GCNT1: variants seen among roughly 807,000 people sequenced by gnomAD.
The protein encoded by GCNT1 is glucosaminyl (N-acetyl) transferase 1.
A neutral mutation model predicts 26.2 loss-of-function variants in GCNT1; 16 were observed. That is an observed-to-expected ratio of 0.61 (90% confidence interval 0.41 to 0.93). The LOEUF (loss-of-function observed/expected upper bound fraction) is 0.93. Ranked by LOEUF, GCNT1 falls within the 40% of genes least tolerant of loss-of-function variation. The pLI, the probability that GCNT1 is intolerant of heterozygous loss-of-function variation, is 0.00. For missense variants in GCNT1, 477 were observed against 526.7 expected (o/e 0.91, Z 0.92); for synonymous variants, 183 against 190.8 (o/e 0.96, Z 0.34).
At position 76,506,023 on chromosome 9, in the gene GCNT1, TGGGGCTCAAAGTATC is replaced by T. The variant is rs1825229690; in HGVS notation, c.*2356_*2370del. 6.0e-6 allele frequency: 1 copy of T among 167,068 alleles called. No homozygotes were observed. 10.3% of individuals were successfully genotyped at this position (167,068 alleles called of 1,614,324 possible). A position where few individuals can be genotyped will look rare whatever the true frequency, so the allele number is the denominator to read the frequency against. ...CAGAATTTATATACGATCCATTCAT[TGGGGCTCAAAGTATC>T]TTTTAGACTTTTAAGGACAATTTAC... On this transcript the variant is annotated 3_prime_UTR_variant, in exon 4 of 4. Transcript: ENST00000376730.
At chr9:76,498,952 A>G (rs1214733613) in intron 2 of GCNT1, among the ~76,000 whole-genome samples, 1 of 151,690 alleles carries the variant, frequency 6.6e-6, no homozygotes, top group African/African-American at 2.4e-5. Flanking sequence ...GCTGCTTTCT[A>G]TTTTTTCATG....
intron 2 of GCNT1, among the ~76,000 whole-genome samples, chr9:76,464,059 A>C (rs548277107): frequency 2.0e-5 from 3 of 150,714 alleles, no homozygotes; most frequent in African/African-American, 7.3e-5. Flanking sequence ...TTTTTGTAAA[A>C]ATAATAATAA....
chr9:76,431,775 G>T (rs143402212), intron 1 of GCNT1, among the ~76,000 whole-genome samples: 2 of 152,150 alleles, frequency 1.3e-5, no homozygotes, highest in Admixed American at 6.6e-5. Context: ...CCAAGAGCCT[G>T]CCATTAATAC....
At chr9:76,454,168 G>A (rs1238003656) in intron 1 of GCNT1, among the ~76,000 whole-genome samples, 1 of 151,882 alleles carries the variant, frequency 6.6e-6, no homozygotes, top group East Asian at 1.9e-4. Flanking sequence ...ATCACCTGAG[G>A]TCAGGAGTTT....
upstream of GCNT1, among the ~76,000 whole-genome samples, chr9:76,415,569 A>C (rs936857640): frequency 6.6e-6 from 1 of 152,234 alleles, no homozygotes; most frequent in Non-Finnish European, 1.5e-5. Flanking sequence ...GGTAGAGGGA[A>C]GCCATTTCCC....
upstream of GCNT1, among the ~76,000 whole-genome samples, chr9:76,440,104 T>TA (rs762535970): frequency 2.5e-3 from 313 of 124,330 alleles, 2 homozygotes; most frequent in East Asian, 7.0e-3. Context: ...GTCGCAAAAA[T>TA]AAAAAAAAAA....
At chr9:76,412,870 T>G in the GCNT1 span, among the ~76,000 whole-genome samples, 1 of 152,218 alleles carries the variant, frequency 6.6e-6, no homozygotes, top group Non-Finnish European at 1.5e-5. Context: ...TGACCACTTC[T>G]CAGTCACAGC....
chr9:76,464,425 C>T (rs930589124), intron 2 of GCNT1, among the ~76,000 whole-genome samples: 1 of 152,132 alleles, frequency 6.6e-6, no homozygotes, highest in African/African-American at 2.4e-5. Context: ...CCATGTTGCC[C>T]AGGCTGGTCT....
At chr9:76,459,917 A>T (rs1823835121) in intron 1 of GCNT1, 143 bp from the exon 2 acceptor site, 3 of 152,166 alleles carry the variant, frequency 2.0e-5, no homozygotes, top group African/African-American at 7.2e-5. Flanking sequence ...AAAACAAGTG[A>T]TTCGTCTTAA....
At chr9:76,401,327 A>G in the GCNT1 span, among the ~76,000 whole-genome samples, 73 of 152,318 alleles carry the variant, frequency 4.8e-4, no homozygotes, top group Non-Finnish European at 6.6e-4. Context: ...ATTCACAGGC[A>G]AGCTCATAGC....
At chr9:76,460,227 C>T (rs1010013366) in intron 2 of GCNT1, 50 bp downstream of exon 2, 1 of 152,274 alleles carries the variant, frequency 6.6e-6, no homozygotes, top group South Asian at 2.1e-4. Flanking sequence ...AAACGTTGCC[C>T]TGTACACCCT....
chr9:76,420,944 GAAAAAA>G (rs35205492), intron 1 of GCNT1, among the ~76,000 whole-genome samples: 3 of 123,134 alleles, frequency 2.4e-5, no homozygotes, highest in Non-Finnish European at 4.9e-5. Context: ...ATCTCAAAAG[GAAAAAA>G]AAAAAAAAAA....
At chr9:76,424,303 G>A (rs145435255) in intron 1 of GCNT1, among the ~76,000 whole-genome samples, 2 of 152,236 alleles carry the variant, frequency 1.3e-5, no homozygotes, top group East Asian at 1.9e-4. Context: ...AGCCTGCCTC[G>A]GGTGCACATT....
intron 2 of GCNT1, among the ~76,000 whole-genome samples, chr9:76,466,215 G>A (rs1331162781): frequency 6.6e-6 from 1 of 152,318 alleles, no homozygotes; most frequent in East Asian, 1.9e-4. Context: ...ATTCATGCAG[G>A]GCAGGGAGGA....
chr9:76,428,681 G>A (rs1053693485), intron 1 of GCNT1, among the ~76,000 whole-genome samples: 20 of 150,094 alleles, frequency 1.3e-4, no homozygotes, highest in Admixed American at 8.7e-4. Flanking sequence ...TTTGAATAAC[G>A]TAGCTGTTGC....
At chr9:76,428,080 T>C (rs139665993) in intron 1 of GCNT1, among the ~76,000 whole-genome samples, 1,521 of 151,804 alleles carry the variant, frequency 0.01, 24 homozygotes, top group African/African-American at 0.034. Flanking sequence ...TCCTGGCTAA[T>C]ACGGTGAAAC....
chr9:76,421,825 C>G (rs1823200993), intron 1 of GCNT1, among the ~76,000 whole-genome samples: 1 of 151,326 alleles, frequency 6.6e-6, no homozygotes, highest in Non-Finnish European at 1.5e-5. Context: ...TCCCAAGTAG[C>G]TGGGACTACA....
the GCNT1 span, among the ~76,000 whole-genome samples, chr9:76,414,282 C>T: frequency 2.6e-5 from 4 of 152,090 alleles, no homozygotes; most frequent in African/African-American, 9.7e-5. Context: ...TGAATGACAC[C>T]TTTCAACAAA....
chr9:76,455,884 T>G (rs1318858849), upstream of GCNT1, among the ~76,000 whole-genome samples: 1 of 152,260 alleles, frequency 6.6e-6, no homozygotes, highest in Non-Finnish European at 1.5e-5. Flanking sequence ...ATTACAGGCA[T>G]AAGCCACCAT....
Sources: gnomAD v4.1 joint callset for allele counts (sites outside exome capture counted in the v4.1 genomes callset) on GRCh38, gnomAD v4.1.1 for gene constraint, MANE v1.5 for transcripts, NCBI Gene and HGNC (gene_info 2026-07-23, HGNC 2026-07-21) for gene names.